GLCCI1: variants seen among roughly 807,000 people sequenced by gnomAD.
The protein encoded by GLCCI1 is glucocorticoid-induced transcript 1 protein.
Under a neutral mutation model 52.2 loss-of-function variants are expected in GLCCI1, and 24 were observed. That is an observed-to-expected ratio of 0.46 (90% CI 0.33 to 0.65). GLCCI1 has a LOEUF of 0.65. GLCCI1 is among the 30% of genes least tolerant of loss of function. GLCCI1 has a pLI of 0.02. For synonymous variants in GLCCI1, 310 were observed against 276.5 expected (o/e 1.12, Z -1.20); for missense variants, 704 against 701.5 (o/e 1.00, Z -0.04).
chr7:7,992,584 T>C (rs73049290), intron 1 of GLCCI1, among the ~76,000 whole-genome samples: 5,604 of 152,226 alleles, frequency 0.037, 144 homozygotes, highest in Non-Finnish European at 0.057. Flanking sequence ...GATATAAGTA[T>C]GTCCTTTCCG....
At chr7:8,024,420 T>C (rs979410097) in intron 3 of GLCCI1, among the ~76,000 whole-genome samples, 5 of 152,216 alleles carry the variant, frequency 3.3e-5, no homozygotes, top group Admixed American at 2.6e-4. Context: ...CATGTCTATG[T>C]ATAGCATATG....
Position 8,061,585 on chromosome 7 carries a change from T to A in GLCCI1, c.966+1337T>A, listed in dbSNP as rs540933379. ...TCTCCTTCAACATTTCATGTTAAGT[T>A]TATAATTTTATATATATTACAACAT... On this transcript the variant is annotated intron_variant, in intron 5 of 7. Coordinates refer to ENST00000223145, the MANE Select transcript of GLCCI1 (RefSeq NM_138426.4). 2.1e-3 allele frequency among the ~76,000 whole-genome samples: 317 copies of A among 152,132 alleles called. 4 individuals are homozygous for A. Among genetic ancestry groups the A allele is most frequent in the African/African-American group, 7.1e-3 (296 of 41,498 alleles).
At position 8,072,657 on chromosome 7, in the gene GLCCI1, G is replaced by A. The variant is rs564152757; in HGVS notation, c.1177+1526G>A. 5.3e-5 allele frequency among the ~76,000 whole-genome samples: 8 copies of A among 152,160 alleles called. 1 individual carries two copies. Among genetic ancestry groups the A allele is most frequent in the Non-Finnish European group, 1.2e-4 (8 of 68,000 alleles). ...ATAATAGTAACTTGTTTTAGGTTGT[G>A]TAGGTGGTAAATGGAGAAACCAGTC... is the stretch of plus-strand genomic sequence containing the variant. On this transcript the variant is annotated intron_variant, in intron 6 of 7. Transcript: ENST00000223145.
At chr7:8,064,301 A>G (rs1481524218) in intron 5 of GLCCI1, among the ~76,000 whole-genome samples, 1 of 152,208 alleles carries the variant, frequency 6.6e-6, no homozygotes, top group Non-Finnish European at 1.5e-5. Context: ...GAAGGTATCC[A>G]GTTTCAGTCT....
intron 4 of GLCCI1, among the ~76,000 whole-genome samples, chr7:8,058,773 C>T (rs951545511): frequency 1.1e-4 from 16 of 152,158 alleles, no homozygotes; most frequent in Middle Eastern, 3.4e-3. Context: ...GGGCATTGAC[C>T]CTCATGCAGT....
At chr7:8,013,792 G>C (rs1781319640) in intron 2 of GLCCI1, among the ~76,000 whole-genome samples, 1 of 152,036 alleles carries the variant, frequency 6.6e-6, no homozygotes, top group African/African-American at 2.4e-5. Context: ...TTTACATACA[G>C]GACATCTTCA....
intron 2 of GLCCI1, among the ~76,000 whole-genome samples, chr7:8,012,699 C>G (rs1247659623): frequency 6.6e-6 from 1 of 152,050 alleles, no homozygotes; most frequent in Non-Finnish European, 1.5e-5. Flanking sequence ...CCCGCCTCAG[C>G]CTCCCAAAGT....
chr7:8,058,402 G>C (rs974657810), intron 4 of GLCCI1, among the ~76,000 whole-genome samples: 2 of 152,046 alleles, frequency 1.3e-5, no homozygotes, highest in African/African-American at 4.8e-5. Flanking sequence ...TTGAAAAACT[G>C]TCTTCAAAGG....
intron 3 of GLCCI1, among the ~76,000 whole-genome samples, chr7:8,053,395 C>G (rs1221730653): frequency 6.7e-6 from 1 of 148,694 alleles, no homozygotes; most frequent in Non-Finnish European, 1.5e-5. Context: ...GGGATCTTGG[C>G]TCACTGCAAC....
At chr7:7,985,091 G>A (rs37987) in intron 1 of GLCCI1, among the ~76,000 whole-genome samples, 93,655 of 152,052 alleles carry the variant, frequency 0.62, 29,610 homozygotes, top group African/African-American at 0.77. Flanking sequence ...GGACAGAGCA[G>A]TAAGTAAGCA....
chr7:8,003,486 A>T (rs1462704162), intron 1 of GLCCI1, among the ~76,000 whole-genome samples: 2 of 152,238 alleles, frequency 1.3e-5, no homozygotes, highest in South Asian at 2.1e-4. Context: ...ATACTAAATA[A>T]TATAGGCTTT....
chr7:7,991,134 T>C (rs1780832515), intron 1 of GLCCI1, among the ~76,000 whole-genome samples: 1 of 152,092 alleles, frequency 6.6e-6, no homozygotes. Flanking sequence ...TCCTAGGCCT[T>C]TCCCCTTCAT....
intron 3 of GLCCI1, among the ~76,000 whole-genome samples, chr7:8,033,310 TAAAAC>T (rs1461635161): frequency 6.6e-6 from 1 of 152,074 alleles, no homozygotes; most frequent in Non-Finnish European, 1.5e-5. Flanking sequence ...TATTAAATGA[TAAAAC>T]AGAATGCTTT....
chr7:8,040,377 T>G (rs1434946637), intron 3 of GLCCI1, among the ~76,000 whole-genome samples: 1 of 151,982 alleles, frequency 6.6e-6, no homozygotes, highest in African/African-American at 2.4e-5. Flanking sequence ...TCCGAGTTAC[T>G]CAGGATGTTG....
intron 2 of GLCCI1, among the ~76,000 whole-genome samples, chr7:8,008,276 A>G (rs564834465): frequency 1.2e-4 from 18 of 151,380 alleles, no homozygotes; most frequent in Admixed American, 2.6e-4. Context: ...TGTAAGTTAA[A>G]TGTTGTATAT....
intron 1 of GLCCI1, chr7:7,980,319 G>C (rs37980): frequency 0.014 from 2,306 of 163,940 alleles, 23 homozygotes; most frequent in South Asian, 0.023. Flanking sequence ...GTGCCATGGC[G>C]GTTCTACTGG....
chr7:8,030,797 T>C (rs1176911394), intron 3 of GLCCI1, among the ~76,000 whole-genome samples: 1 of 152,118 alleles, frequency 6.6e-6, no homozygotes, highest in Non-Finnish European at 1.5e-5. Context: ...CTCAGCATCA[T>C]TGATTATTAG....
chr7:8,023,588 C>CCTTTTTTTTTTTTTTTTTTT (rs1781543370), intron 3 of GLCCI1, among the ~76,000 whole-genome samples: 8 of 41,982 alleles, frequency 1.9e-4, no homozygotes, highest in African/African-American at 8.2e-4. Context: ...CTCTGTTATT[C>CCTTTTTTTTTTTTTTTTTTT]TTTTTTTTTT....
chr7:8,039,345 A>C (rs1421187136), intron 3 of GLCCI1, among the ~76,000 whole-genome samples: 3 of 152,204 alleles, frequency 2.0e-5, no homozygotes, highest in Admixed American at 6.5e-5. Flanking sequence ...AATTAAGTTC[A>C]CGGTAGCAAA....
Sources: gnomAD v4.1 joint callset for allele counts (sites outside exome capture counted in the v4.1 genomes callset) on GRCh38, gnomAD v4.1.1 for gene constraint, MANE v1.5 for transcripts, NCBI Gene and HGNC (gene_info 2026-07-23, HGNC 2026-07-21) for gene names.